The following SLC24A2 variants were observed in gnomAD, a reference collection of about 807,000 sequenced individuals.
The protein encoded by SLC24A2 is solute carrier family 24 member 2.
In SLC24A2, 36 loss-of-function variants were observed where a neutral mutation model predicts 62.0. The observed-to-expected ratio is 0.58, with a 90% CI of 0.44 to 0.77. The LOEUF (loss-of-function observed/expected upper bound fraction) is 0.77. SLC24A2 is among the 30% of genes least tolerant of loss of function. SLC24A2 has a pLI of 0.00. For missense variants in SLC24A2, 846 were observed against 817.9 expected, an observed-to-expected ratio of 1.03 and a Z score of -0.42; for synonymous variants, 358 against 294.0, an observed-to-expected ratio of 1.22 and a Z score of -2.23.
chr9:20,005,845 G>A, the SLC24A2 span, among the ~76,000 whole-genome samples: 1 of 146,394 alleles, frequency 6.8e-6, no homozygotes, highest in Non-Finnish European at 1.5e-5. Flanking sequence ...AGAACTCCGA[G>A]ATCCCATTCC....
At chr9:19,803,955 G>T in the SLC24A2 span, among the ~76,000 whole-genome samples, 10 of 152,072 alleles carry the variant, frequency 6.6e-5, no homozygotes, top group African/African-American at 1.9e-4. Context: ...ATGAAAAAAT[G>T]GCCTTTAGTG....
At chr9:19,544,953 C>T (rs565081584) in intron 8 of SLC24A2, among the ~76,000 whole-genome samples, 80 of 152,084 alleles carry the variant, frequency 5.3e-4, no homozygotes, top group Non-Finnish European at 9.4e-4. Context: ...TCTGTATTTC[C>T]TGAATTTGAA....
chr9:20,126,794 T>C, the SLC24A2 span, among the ~76,000 whole-genome samples: 3 of 152,124 alleles, frequency 2.0e-5, no homozygotes, highest in African/African-American at 4.8e-5. Flanking sequence ...TCCTGAATTG[T>C]AGGCAGGAAC....
At chr9:19,686,105 T>C (rs1053822838) in intron 2 of SLC24A2, among the ~76,000 whole-genome samples, 1 of 152,060 alleles carries the variant, frequency 6.6e-6, no homozygotes, top group African/African-American at 2.4e-5. Flanking sequence ...GCAAAGGACA[T>C]GAACAGACAC....
chr9:19,835,584 T>G, the SLC24A2 span, among the ~76,000 whole-genome samples: 5 of 152,260 alleles, frequency 3.3e-5, no homozygotes, highest in Admixed American at 2.0e-4. Flanking sequence ...AGCAAGTCCT[T>G]ACTGACCTAC....
At chr9:19,716,104 C>T (rs534798468) in intron 2 of SLC24A2, among the ~76,000 whole-genome samples, 1 of 152,306 alleles carries the variant, frequency 6.6e-6, no homozygotes, top group Admixed American at 6.5e-5. Flanking sequence ...AAATAATCTA[C>T]TTATCAGGCT....
the SLC24A2 span, among the ~76,000 whole-genome samples, chr9:19,837,582 A>C: frequency 6.6e-6 from 1 of 150,502 alleles, no homozygotes; most frequent in African/African-American, 2.4e-5. Context: ...ATCAGGCAGG[A>C]GAAGGAAATA....
chr9:19,699,061 A>G (rs901157394), intron 2 of SLC24A2, among the ~76,000 whole-genome samples: 1 of 152,172 alleles, frequency 6.6e-6, no homozygotes, highest in Non-Finnish European at 1.5e-5. Flanking sequence ...ACAAAGATGA[A>G]TAAGATGGAA....
chr9:19,612,587 G>T (rs562831689), intron 4 of SLC24A2, among the ~76,000 whole-genome samples: 1 of 152,278 alleles, frequency 6.6e-6, no homozygotes, highest in East Asian at 1.9e-4. Context: ...ATCATCCAAG[G>T]TCACACACCT....
the SLC24A2 span, among the ~76,000 whole-genome samples, chr9:19,887,422 T>C: frequency 1.0e-3 from 159 of 152,236 alleles, 2 homozygotes; most frequent in South Asian, 0.03. Context: ...AAAGAAGATA[T>C]GCAAATGGAC....
chr9:20,060,027 T>A, the SLC24A2 span, among the ~76,000 whole-genome samples: 5 of 152,088 alleles, frequency 3.3e-5, no homozygotes, highest in Admixed American at 1.3e-4. Context: ...TATGAACAAC[T>A]GTAAATGAAC....
chr9:19,697,165 G>A (rs910043843), intron 2 of SLC24A2, among the ~76,000 whole-genome samples: 2 of 152,154 alleles, frequency 1.3e-5, no homozygotes, highest in Non-Finnish European at 2.9e-5. Flanking sequence ...ACCTACACAA[G>A]TGATTGCATC....
At chr9:20,018,551 T>C in the SLC24A2 span, among the ~76,000 whole-genome samples, 1 of 152,172 alleles carries the variant, frequency 6.6e-6, no homozygotes, top group African/African-American at 2.4e-5. Flanking sequence ...TTCTCCTTCT[T>C]CTTCATGCTC....
At chr9:20,174,178 C>T in the SLC24A2 span, among the ~76,000 whole-genome samples, 1 of 152,040 alleles carries the variant, frequency 6.6e-6, no homozygotes, top group African/African-American at 2.4e-5. Flanking sequence ...CCTCATCTCT[C>T]ACCTTATACA....
the SLC24A2 span, among the ~76,000 whole-genome samples, chr9:20,097,146 G>C: frequency 6.6e-6 from 1 of 152,130 alleles, no homozygotes; most frequent in African/African-American, 2.4e-5. Flanking sequence ...ACAGCTATGA[G>C]AATTAGCTCT....
At chr9:19,867,658 C>A in the SLC24A2 span, among the ~76,000 whole-genome samples, 5 of 152,154 alleles carry the variant, frequency 3.3e-5, no homozygotes, top group Admixed American at 1.3e-4. Context: ...GCCTGTAATC[C>A]CAGCACTTTG....
the SLC24A2 span, among the ~76,000 whole-genome samples, chr9:20,185,164 T>C: frequency 2.0e-5 from 3 of 151,968 alleles, no homozygotes; most frequent in Non-Finnish European, 4.4e-5. Flanking sequence ...GTTCAAGAGA[T>C]CTATTATGCA....
chr9:20,301,302 G>C, the SLC24A2 span, among the ~76,000 whole-genome samples: 4 of 152,234 alleles, frequency 2.6e-5, no homozygotes, highest in African/African-American at 9.6e-5. Context: ...CACATCCATT[G>C]TTGTCTGGGG....
chr9:19,664,613 C>T (rs1391598828), intron 2 of SLC24A2, among the ~76,000 whole-genome samples: 4 of 152,166 alleles, frequency 2.6e-5, no homozygotes, highest in Non-Finnish European at 4.4e-5. Context: ...TTATTTGGCA[C>T]AGAGTCTTTG....
Sources: gnomAD v4.1 joint callset for allele counts (sites outside exome capture counted in the v4.1 genomes callset) on GRCh38, gnomAD v4.1.1 for gene constraint, MANE v1.5 for transcripts, NCBI Gene and HGNC (gene_info 2026-07-23, HGNC 2026-07-21) for gene names.